Variants in PDE4B observed in about 807,000 individuals in gnomAD.
PDE4B encodes the protein 3',5'-cyclic-AMP phosphodiesterase 4B.
PDE4B carries 20 observed loss-of-function variants against 82.2 expected under a neutral mutation model. That is an observed-to-expected ratio of 0.24 (90% CI 0.17 to 0.35). The LOEUF is 0.35. Ranked by LOEUF, PDE4B falls within the 10% of genes least tolerant of loss-of-function variation. The pLI is 1.00. For synonymous variants in PDE4B, 320 were observed against 318.9 expected, an observed-to-expected ratio of 1.00 and a Z score of -0.04; for missense variants, 655 against 907.2, an observed-to-expected ratio of 0.72 and a Z score of 3.57.
At chr1:66,253,172 G>A (rs548568580) in intron 4 of PDE4B, among the ~76,000 whole-genome samples, 1 of 152,236 alleles carries the variant, frequency 6.6e-6, no homozygotes, top group South Asian at 2.1e-4. Flanking sequence ...ACCTAATGTC[G>A]CATAGCTAGT....
chr1:66,255,495 A>G (rs933200035), intron 4 of PDE4B, among the ~76,000 whole-genome samples: 1 of 152,200 alleles, frequency 6.6e-6, no homozygotes, highest in African/African-American at 2.4e-5. Flanking sequence ...ACAAATGTCT[A>G]TAGCTAATAT....
At chr1:66,051,088 T>A in intron 3 of PDE4B, among the ~76,000 whole-genome samples, 1 of 152,152 alleles carries the variant, frequency 6.6e-6, no homozygotes, top group East Asian at 1.9e-4. Flanking sequence ...TTCTAAAGTA[T>A]AAGTATGTTT....
intron 1 of PDE4B, among the ~76,000 whole-genome samples, chr1:65,855,408 G>C (rs1309696796): frequency 2.0e-5 from 3 of 152,134 alleles, no homozygotes; most frequent in Non-Finnish European, 4.4e-5. Flanking sequence ...TTTTAAAGAA[G>C]TTTTAATAGA....
intron 3 of PDE4B, among the ~76,000 whole-genome samples, chr1:66,193,338 A>G (rs1356979398): frequency 1.3e-5 from 2 of 152,194 alleles, no homozygotes; most frequent in African/African-American, 4.8e-5. Context: ...GTATTTTACC[A>G]AACCAGATTC....
intron 3 of PDE4B, among the ~76,000 whole-genome samples, chr1:66,178,361 G>GA (rs1320292818): frequency 2.0e-5 from 3 of 151,832 alleles, no homozygotes; most frequent in Non-Finnish European, 4.4e-5. Flanking sequence ...TCATTTTCAT[G>GA]AAAAAAATAT....
At chr1:66,161,591 T>G (rs1177934177) in intron 3 of PDE4B, among the ~76,000 whole-genome samples, 3 of 152,200 alleles carry the variant, frequency 2.0e-5, no homozygotes, top group African/African-American at 7.2e-5. Context: ...ATTTAAGTTA[T>G]GTACCAAACC....
At chr1:66,308,621 C>G (rs1321465405) in intron 7 of PDE4B, among the ~76,000 whole-genome samples, 1 of 152,032 alleles carries the variant, frequency 6.6e-6, no homozygotes, top group Admixed American at 6.6e-5. Context: ...TTTTTAATAT[C>G]TGGGCATTTT....
chr1:66,010,328 T>A (rs1377543027), intron 3 of PDE4B, among the ~76,000 whole-genome samples: 1 of 151,554 alleles, frequency 6.6e-6, no homozygotes. Flanking sequence ...TTATATAAAA[T>A]TTAATAAGAG....
At chr1:66,006,680 G>A (rs2100725666) in intron 3 of PDE4B, among the ~76,000 whole-genome samples, 1 of 152,128 alleles carries the variant, frequency 6.6e-6, no homozygotes, top group East Asian at 1.9e-4. Context: ...CATGGAGGAG[G>A]TTCCCCCATG....
At chr1:66,106,855 T>TGC (rs1343011647) in intron 3 of PDE4B, among the ~76,000 whole-genome samples, 2 of 60,040 alleles carry the variant, frequency 3.3e-5, no homozygotes, top group East Asian at 6.9e-4. Flanking sequence ...CTTGCTAGCA[T>TGC]TCTGTCAATT....
intron 1 of PDE4B, among the ~76,000 whole-genome samples, chr1:65,832,082 A>G (rs1043184865): frequency 1.3e-5 from 2 of 152,148 alleles, no homozygotes; most frequent in Admixed American, 1.3e-4. Context: ...ATTCCACTAT[A>G]TTGCTGTGAA....
intron 1 of PDE4B, among the ~76,000 whole-genome samples, chr1:65,901,394 C>T (rs1211627676): frequency 1.3e-5 from 2 of 151,816 alleles, no homozygotes; most frequent in South Asian, 4.2e-4. Context: ...GTTAATTAGG[C>T]ATATTTCTGT....
At chr1:66,261,680 T>C (rs1393158414) in intron 6 of PDE4B, among the ~76,000 whole-genome samples, 1 of 152,170 alleles carries the variant, frequency 6.6e-6, no homozygotes, top group African/African-American at 2.4e-5. Context: ...GCTTTACCAC[T>C]CAAAGGGTGG....
intron 1 of PDE4B, among the ~76,000 whole-genome samples, chr1:65,825,744 A>ATCTATCTG (rs1446018948): frequency 2.6e-5 from 4 of 151,508 alleles, no homozygotes; most frequent in Non-Finnish European, 5.9e-5. Flanking sequence ...CTATCTATCT[A>ATCTATCTG]TCTATCTATC....
Position 66,367,949 on chromosome 1 carries a change from G to A in PDE4B, c.1546G>A (p.Ala516Thr). The A allele has an allele frequency of 6.2e-7, 1 of 1,613,346 alleles. No individual in the cohort carries two copies. The highest frequency in any genetic ancestry group is 2.2e-5 in the East Asian group (1 of 44,876). Residue 516 changes from alanine to threonine, a missense_variant, in exon 15 of 17, where the codon GCA (alanine) becomes ACA (threonine). Transcript: ENST00000341517. The part of the protein sequence containing the change: ...LRKMVIDMVL[A>T]TDMSKHMSLL... ...CATTTTCTTTTTACCCAAGGTGTTAGCAACTGATATGTCTAAACATATGAG... is the reference window on the plus strand; with the variant it reads ...CATTTTCTTTTTACCCAAGGTGTTAACAACTGATATGTCTAAACATATGAG...
chr1:66,095,758 T>C (rs1214053051), intron 3 of PDE4B, among the ~76,000 whole-genome samples: 1 of 151,988 alleles, frequency 6.6e-6, no homozygotes, highest in Non-Finnish European at 1.5e-5. Flanking sequence ...GATTTGTTTC[T>C]TGTTTGATTG....
At chr1:66,298,593 G>T (rs1429772917) in intron 7 of PDE4B, among the ~76,000 whole-genome samples, 1 of 152,104 alleles carries the variant, frequency 6.6e-6, no homozygotes, top group African/African-American at 2.4e-5. Flanking sequence ...GCAGGGCCTG[G>T]GCTTGAGTCC....
intron 1 of PDE4B, among the ~76,000 whole-genome samples, chr1:65,848,917 C>G (rs539858079): frequency 1.5e-4 from 23 of 151,954 alleles, no homozygotes; most frequent in Non-Finnish European, 2.6e-4. Context: ...AGGGTCCAAT[C>G]AAGAGACAGG....
chr1:65,835,761 G>A (rs1388026840), intron 1 of PDE4B, among the ~76,000 whole-genome samples: 1 of 152,108 alleles, frequency 6.6e-6, no homozygotes, highest in Non-Finnish European at 1.5e-5. Context: ...CTGCATGGCA[G>A]TTCAAAAAAT....
Sources: allele counts gnomAD v4.1 joint callset (sites outside exome capture counted in the v4.1 genomes callset), GRCh38; gene constraint gnomAD v4.1.1; transcripts MANE v1.5; gene names NCBI Gene and HGNC (gene_info 2026-07-23, HGNC 2026-07-21).